The following CLASP1 variants were observed in gnomAD, a reference collection of about 807,000 sequenced individuals.
The protein encoded by CLASP1 is cytoplasmic linker associated protein 1, also known as CLIP-associating protein 1.
A neutral mutation model predicts 192.3 loss-of-function variants in CLASP1; 38 were observed. The observed-to-expected ratio is 0.20, with a 90% CI of 0.15 to 0.26. The LOEUF (loss-of-function observed/expected upper bound fraction) is 0.26, where lower values mean the gene tolerates loss of function less well. Among genes scored for constraint, CLASP1 ranks in the 10% least tolerant of loss-of-function variants. The probability of loss-of-function intolerance (pLI) is 1.00; values close to 1 mark genes in which losing one functional copy is unlikely to be tolerated. For synonymous variants in CLASP1, 691 were observed against 712.8 expected (o/e 0.97, Z 0.49); for missense variants, 1,433 against 1,932.5 (o/e 0.74, Z 4.85).
At chr2:121,527,809 T>C (rs1176142636) in exon 5 of CLASP1, 1 of 1,613,184 alleles carries the variant, frequency 6.2e-7, no homozygotes, top group Non-Finnish European at 8.5e-7. Flanking sequence ...GCATTGAGTG[T>C]TGCTATAAGG....
chr2:121,509,366 G>A (rs1398767982), intron 7 of CLASP1, among the ~76,000 whole-genome samples: 1 of 152,070 alleles, frequency 6.6e-6, no homozygotes, highest in Non-Finnish European at 1.5e-5. Context: ...TTGTAGAAAC[G>A]GGGTCTCATG....
chr2:121,634,715 C>T (rs185658364), intron 1 of CLASP1, among the ~76,000 whole-genome samples: 169 of 152,252 alleles, frequency 1.1e-3, no homozygotes, highest in African/African-American at 3.8e-3. Context: ...CTGCCTGGCA[C>T]GCCAATCACT....
chr2:121,642,193 G>C (rs920446970), intron 1 of CLASP1, among the ~76,000 whole-genome samples: 1 of 151,930 alleles, frequency 6.6e-6, no homozygotes, highest in Non-Finnish European at 1.5e-5. Flanking sequence ...TGAGGCAGGA[G>C]GATTGCTTGA....
At chr2:121,447,890 G>A (rs1012499060) in intron 18 of CLASP1, among the ~76,000 whole-genome samples, 2 of 152,098 alleles carry the variant, frequency 1.3e-5, no homozygotes, top group Non-Finnish European at 2.9e-5. Context: ...TCCTCTTTCT[G>A]GAACATGCCA....
At chr2:121,384,646 G>C (rs1041331625) in intron 32 of CLASP1, among the ~76,000 whole-genome samples, 1 of 152,310 alleles carries the variant, frequency 6.6e-6, no homozygotes, top group African/African-American at 2.4e-5. Context: ...GCTCATGCCT[G>C]TAATTCCAGC....
At chr2:121,397,026 C>G in intron 30 of CLASP1, 114 bp downstream of exon 31, 5 of 964,674 alleles carry the variant, frequency 5.2e-6, no homozygotes, top group East Asian at 2.4e-5. Context: ...AACAGCAGAG[C>G]CTTAGTGATA....
chr2:121,568,448 A>G (rs1208920145), intron 2 of CLASP1, among the ~76,000 whole-genome samples: 3 of 151,976 alleles, frequency 2.0e-5, no homozygotes, highest in Non-Finnish European at 4.4e-5. Flanking sequence ...GTTGTATTCT[A>G]GACGAGCAAA....
At chr2:121,432,512 G>A (rs1218877406) in intron 19 of CLASP1, among the ~76,000 whole-genome samples, 3 of 152,150 alleles carry the variant, frequency 2.0e-5, no homozygotes, top group Non-Finnish European at 2.9e-5. Context: ...ATATGTATGT[G>A]CAGACACAAT....
chr2:121,348,529 T>A, exon 38 of CLASP1: 2 of 1,610,966 alleles, frequency 1.2e-6, no homozygotes, highest in Non-Finnish European at 1.7e-6. Flanking sequence ...AAGCCTGGGA[T>A]GATGTCGACA....
At chr2:121,537,520 T>TA (rs1318219311) in intron 2 of CLASP1, among the ~76,000 whole-genome samples, 2 of 151,686 alleles carry the variant, frequency 1.3e-5, no homozygotes, top group Non-Finnish European at 2.9e-5. Context: ...CACACCACAC[T>TA]AAGGAAAAAG....
At chr2:121,386,146 G>A (rs1312345579) in intron 32 of CLASP1, among the ~76,000 whole-genome samples, 2 of 152,176 alleles carry the variant, frequency 1.3e-5, no homozygotes, top group Admixed American at 6.5e-5. Flanking sequence ...AGAAGTGTGG[G>A]AGATTCTTGA....
intron 32 of CLASP1, among the ~76,000 whole-genome samples, chr2:121,384,545 T>C (rs558490971): frequency 6.6e-6 from 1 of 152,210 alleles, no homozygotes; most frequent in African/African-American, 2.4e-5. Context: ...TTTCTCACTA[T>C]CATCATGATC....
intron 2 of CLASP1, among the ~76,000 whole-genome samples, chr2:121,531,754 G>A (rs1251800876): frequency 6.6e-6 from 1 of 151,970 alleles, no homozygotes; most frequent in African/African-American, 2.4e-5. Flanking sequence ...TGTAGTCCCA[G>A]CTACTTGGGA....
At chr2:121,565,726 A>AACTCAAAT (rs1253502469) in intron 2 of CLASP1, among the ~76,000 whole-genome samples, 1 of 152,196 alleles carries the variant, frequency 6.6e-6, no homozygotes, top group Non-Finnish European at 1.5e-5. Flanking sequence ...CTGACTTAGC[A>AACTCAAAT]ACTCAAATCA....
At chr2:121,382,070 G>C (rs956367755) in intron 33 of CLASP1, 138 bp downstream of exon 34, 1 of 691,892 alleles carries the variant, frequency 1.4e-6, no homozygotes, top group Non-Finnish European at 2.6e-6. Context: ...TTCTCACCAA[G>C]GCTCTACTCC....
intron 39 of CLASP1, among the ~76,000 whole-genome samples, chr2:121,341,970 A>T (rs1220568215): frequency 2.6e-5 from 4 of 152,218 alleles, no homozygotes; most frequent in Non-Finnish European, 5.9e-5. Flanking sequence ...ATACCAAAGC[A>T]TCTTCTCCAA....
chr2:121,384,147 C>T lies in CLASP1; in HGVS notation c.3375-1823G>A, dbSNP rs543984723. ...ACACATATATATGTATATATATATA[C>T]ACACACACACATATATATATATACA... On this transcript the variant is annotated intron_variant, in intron 32 of 39. Transcript: ENST00000263710. 6.8e-3 allele frequency among the ~76,000 whole-genome samples: 942 copies of T among 137,566 alleles called. 14 individuals carry two copies. The highest frequency in any genetic ancestry group is 0.027 in the African/African-American group (893 of 33,172). The allele number at this position is 137,566 out of a possible 152,430, so 90.2% of individuals were successfully genotyped here. A position where few individuals can be genotyped will look rare whatever the true frequency, so the allele number is the denominator to read the frequency against.
intron 8 of CLASP1, among the ~76,000 whole-genome samples, chr2:121,490,852 T>C (rs923616134): frequency 7.2e-5 from 11 of 152,346 alleles, no homozygotes; most frequent in Admixed American, 6.5e-4. Context: ...CCTTGTAATA[T>C]GCATAGTCTA....
chr2:121,365,007 T>C lies in CLASP1; in HGVS notation c.4077+87A>G, dbSNP rs190495730. On this transcript the variant is annotated intron_variant, in intron 36 of 39. Transcript: ENST00000263710. The stretch of plus-strand genomic sequence containing the variant: ...TAAACAGTAAGCACAACCCAGAAAG[T>C]AAAGCTGAAGCTAAGCCCAATAAGA... 2.6e-4 allele frequency: 318 copies of C among 1,237,088 alleles called. 1 individual carries two copies. In the African/African-American group the frequency reaches 4.2e-3, roughly 16 times the overall value. The allele number at this position is 1,237,088 out of a possible 1,614,324, so 76.6% of individuals were successfully genotyped here. A position where few individuals can be genotyped will look rare whatever the true frequency, so the allele number is the denominator to read the frequency against.
Sources: allele counts gnomAD v4.1 joint callset (sites outside exome capture counted in the v4.1 genomes callset), GRCh38; gene constraint gnomAD v4.1.1; transcripts MANE v1.5; gene names NCBI Gene and HGNC (gene_info 2026-07-23, HGNC 2026-07-21).